The following PIGX variants were observed in gnomAD, a reference collection of about 807,000 sequenced individuals.
PIGX encodes the protein GPI alpha-1,4-mannosyltransferase I, stabilizing subunit.
Under a neutral mutation model 28.7 loss-of-function variants are expected in PIGX, and 24 were observed. That is an observed-to-expected ratio of 0.84 (90% CI 0.60 to 1.17). The LOEUF is 1.17. Among genes scored for constraint, PIGX ranks in the 50% most tolerant of loss-of-function variants. The pLI is 0.00. For missense variants in PIGX, 305 were observed against 317.8 expected (o/e 0.96, Z 0.31); for synonymous variants, 127 against 121.0 (o/e 1.05, Z -0.33).
At chr3:196,728,469 C>T in intron 4 of PIGX, 1 of 594,644 alleles carries the variant, frequency 1.7e-6, no homozygotes, top group Non-Finnish European at 3.0e-6. Flanking sequence ...ATATGTTTAT[C>T]ATCCAGATGG....
At chr3:196,722,631 A>C (rs1362704887) in intron 3 of PIGX, 75 bp downstream of exon 3, 2 of 1,266,558 alleles carry the variant, frequency 1.6e-6, no homozygotes, top group African/African-American at 3.0e-5. Context: ...GAAAAATAGT[A>C]GGTTTTCTTT....
At position 196,722,517 on chromosome 3, in the gene PIGX, G is replaced by T. The variant is rs752310032; in HGVS notation, c.279G>T (p.Pro93=). 6.2e-7 allele frequency: 1 copy of T among 1,613,366 alleles called. No individual in the cohort carries two copies. Among genetic ancestry groups the T allele is most frequent in the African/African-American group, 1.3e-5 (1 of 75,022 alleles). The stretch of plus-strand genomic sequence containing the variant: ...TTCCTGCAGGACTTTATGTGGATCC[G>T]TATGAGTTGGCTTCATTACGAGAGA... Residue 93 remains proline (P), a synonymous_variant, in exon 3 of 6, where the codon CCG becomes CCT. Transcript: ENST00000392391.
At chr3:196,723,238 G>A (rs1712395196) in intron 3 of PIGX, among the ~76,000 whole-genome samples, 1 of 152,234 alleles carries the variant, frequency 6.6e-6, no homozygotes, top group Non-Finnish European at 1.5e-5. Flanking sequence ...CTACTTGGGA[G>A]GCTGAGGCCG....
chr3:196,719,733 C>A (rs1360779782), intron 2 of PIGX, among the ~76,000 whole-genome samples: 1 of 152,008 alleles, frequency 6.6e-6, no homozygotes. Flanking sequence ...TTTAAGCAGT[C>A]ACTTTTCACA....
chr3:196,726,891 A>G (rs955743301), intron 3 of PIGX: 1 of 223,628 alleles, frequency 4.5e-6, no homozygotes, highest in Non-Finnish European at 9.2e-6. Flanking sequence ...CAGTGGCGGT[A>G]TACCTGAAAA....
intron 2 of PIGX, 113 bp downstream of exon 2, chr3:196,717,034 C>T: frequency 1.6e-6 from 1 of 644,294 alleles, no homozygotes; most frequent in South Asian, 1.7e-5. Context: ...GATGCGGTGG[C>T]TCTCATCTGT....
intron 3 of PIGX, chr3:196,726,794 C>A: frequency 2.5e-6 from 1 of 394,772 alleles, no homozygotes. Flanking sequence ...AGTTTCTACT[C>A]ATGAAAAAGA....
intron 3 of PIGX, among the ~76,000 whole-genome samples, chr3:196,725,148 AAGC>A (rs1159488830): frequency 1.3e-5 from 2 of 152,182 alleles, no homozygotes; most frequent in Non-Finnish European, 2.9e-5. Context: ...GATTCTTTGA[AAGC>A]AGTATAATAT....
rs529556952 is a variant in PIGX at position 196,713,924 on chromosome 3, G to A, written c.112+1280G>A. ...AATAGTTAAGAGGAAAAATGTTGAAGGTAAATTCACATTCAACAAATTCGT... is the reference window on the plus strand; with the variant it reads ...AATAGTTAAGAGGAAAAATGTTGAAAGTAAATTCACATTCAACAAATTCGT... On this transcript the variant is annotated intron_variant, in intron 1 of 5. Coordinates refer to ENST00000392391, the MANE Select transcript of PIGX (RefSeq NM_017861.4). Among the ~76,000 whole-genome samples, 4 of 151,832 alleles carry A rather than the reference G, an allele frequency of 2.6e-5. No individual in the cohort carries two copies. The East Asian group carries it at 7.8e-4, about 29-fold the overall frequency.
In PIGX at chr3:196,732,283, AT is replaced by A. The variant is rs1395851734; in HGVS notation, c.633+1195del. ...TTTATTTTATTTTATTTTTTTTTTTATTTTATTTTTTTTTTTGAGACGGAGT... is the reference window on the plus strand; with the variant it reads ...TTTATTTTATTTTATTTTTTTTTTTATTTATTTTTTTTTTTGAGACGGAGT... On this transcript the variant is annotated intron_variant, in intron 5 of 5. Coordinates refer to ENST00000392391, the MANE Select transcript of PIGX (RefSeq NM_017861.4). 8.3e-3 allele frequency among the ~76,000 whole-genome samples: 202 copies of A among 24,358 alleles called. 25 individuals are homozygous for A. Among genetic ancestry groups the A allele is most frequent in the African/African-American group, 0.033 (172 of 5,202 alleles). 16.0% of individuals were successfully genotyped at this position (24,358 alleles called of 152,430 possible). A position where few individuals can be genotyped will look rare whatever the true frequency, so the allele number is the denominator to read the frequency against.
rs754757317 is a variant in PIGX, at chr3:196,731,010, G to A, written c.551G>A (p.Cys184Tyr). ...TTCTCAGAGTTCCCGATTTTGAAAT[G>A]CTGGGCTCACTCAGAAGTGGCAGCC... is the stretch of plus-strand genomic sequence containing the variant. Residue 184 changes from cysteine to tyrosine, a missense_variant, in exon 5 of 6, where the codon TGC (cysteine) becomes TAC (tyrosine). By Grantham distance (194) the Cys-to-Tyr change is radical (BLOSUM62 -2). Transcript: ENST00000392391. The A allele has an allele frequency of 6.2e-7, 1 of 1,609,548 alleles. No homozygotes were observed. The highest frequency in any genetic ancestry group is 1.7e-4 in the Middle Eastern group (1 of 6,042).
chr3:196,721,878 G>A (rs1712339166), intron 2 of PIGX, among the ~76,000 whole-genome samples: 1 of 151,978 alleles, frequency 6.6e-6, no homozygotes, highest in Non-Finnish European at 1.5e-5. Context: ...TCAGCCTCCT[G>A]AGTAGCTAGA....
At chr3:196,729,130 G>A (rs1266712902) in intron 4 of PIGX, among the ~76,000 whole-genome samples, 4 of 151,858 alleles carry the variant, frequency 2.6e-5, no homozygotes, top group Admixed American at 6.6e-5. Flanking sequence ...TCAGGAGTTC[G>A]AGACCAGCCT....
rs773709716 is a variant in PIGX at position 196,720,901 on chromosome 3, C to A, written c.177-1514C>A. On this transcript the variant is annotated intron_variant, in intron 2 of 5. Coordinates refer to ENST00000392391, the MANE Select transcript of PIGX (RefSeq NM_017861.4). ...TCCTCCTGGATATAAAATTCTAGAT[C>A]GACAGCCTCTTTTCTTTTAGTAATT... is the stretch of plus-strand genomic sequence containing the variant. 6.6e-5 allele frequency among the ~76,000 whole-genome samples: 10 copies of A among 152,052 alleles called. 1 individual carries two copies. In the South Asian group the frequency reaches 2.1e-3, roughly 32 times the overall value.
rs148176850 is a variant in PIGX, at chr3:196,719,108, A to G, written c.176+2187A>G. On this transcript the variant is annotated intron_variant, in intron 2 of 5. Coordinates refer to ENST00000392391, the MANE Select transcript of PIGX (RefSeq NM_017861.4). ...CAGGGTGGCCAATTTTTTTCTTTCC[A>G]AATCCCAAGACCTTGTGAAAGGAGT... 4.0e-3 allele frequency among the ~76,000 whole-genome samples: 614 copies of G among 152,108 alleles called. 4 individuals are homozygous for G. Among genetic ancestry groups the G allele is most frequent in the African/African-American group, 0.014 (597 of 41,508 alleles).
rs547898085 is a variant in PIGX at position 196,724,524 on chromosome 3, G to C, written c.318+1968G>C. Among the ~76,000 whole-genome samples the C allele has an allele frequency of 3.9e-5, 6 of 152,256 alleles. No homozygotes were observed. In the South Asian group the frequency reaches 1.2e-3, roughly 32 times the overall value. On this transcript the variant is annotated intron_variant, in intron 3 of 5. Transcript: ENST00000392391. ...ACCCAAAAATTCATATCTTTGGATG[G>C]GGATGAGATTTGGATGTTTGAAGGT...
intron 3 of PIGX, 117 bp from the exon 4 acceptor site, chr3:196,727,806 A>C: frequency 1.7e-6 from 1 of 592,834 alleles, no homozygotes; most frequent in Non-Finnish European, 2.9e-6. Context: ...GAAATTGCTT[A>C]TAAAAGGGGC....
At chr3:196,725,871 C>G (rs73072713) in intron 3 of PIGX, among the ~76,000 whole-genome samples, 2,437 of 152,238 alleles carry the variant, frequency 0.016, 56 homozygotes, top group African/African-American at 0.055. Flanking sequence ...TCCTGCATAA[C>G]AAATCTTAAA....
chr3:196,712,467 C>T lies in PIGX; in HGVS notation c.-66C>T. Reference sequence around the variant, plus strand: ...AGCGCGCGGTAGGAGCTGCGGGCGGCCAGGCCCCTTCCTGCGTCCGCACCT... The same window carrying T: ...AGCGCGCGGTAGGAGCTGCGGGCGGTCAGGCCCCTTCCTGCGTCCGCACCT... On this transcript the variant is annotated 5_prime_UTR_variant, in exon 1 of 6. Transcript: ENST00000392391. 1.3e-6 allele frequency: 1 copy of T among 762,918 alleles called. No homozygotes were observed. The highest frequency in any genetic ancestry group is 1.7e-6 in the Non-Finnish European group (1 of 584,212). 47.3% of individuals were successfully genotyped at this position (762,918 alleles called of 1,614,324 possible). A position where few individuals can be genotyped will look rare whatever the true frequency, so the allele number is the denominator to read the frequency against.
Sources: allele counts gnomAD v4.1 joint callset (sites outside exome capture counted in the v4.1 genomes callset), GRCh38; gene constraint gnomAD v4.1.1; transcripts MANE v1.5; gene names NCBI Gene and HGNC (gene_info 2026-07-23, HGNC 2026-07-21).